DTD1: variants seen among roughly 807,000 people sequenced by gnomAD.
DTD1 encodes D-aminoacyl-tRNA deacylase 1.
A neutral mutation model predicts 25.6 loss-of-function variants in DTD1; 13 were observed. The ratio of observed to expected loss-of-function variants is 0.51; its 90% CI spans 0.33 to 0.81. The LOEUF is 0.81. Ranked by LOEUF, DTD1 falls within the 30% of genes least tolerant of loss-of-function variation. DTD1 has a pLI of 0.02. For missense variants in DTD1, 193 were observed against 266.4 expected (o/e 0.72, Z 1.92); for synonymous variants, 110 against 103.6 (o/e 1.06, Z -0.37).
rs570699358 is a variant in DTD1, at chr20:18,730,199, C to T, written c.478-13901C>T. ...ACAGAATATGTCATAGTTTAAAGAA[C>T]TCTCTTCTTATGGGTATTTAAGTGG... On this transcript the variant is annotated intron_variant, in intron 4 of 5. Transcript: ENST00000377452. 3.7e-4 allele frequency among the ~76,000 whole-genome samples: 57 copies of T among 152,230 alleles called. 1 individual carries two copies. The South Asian group carries it at 5.0e-3, about 13-fold the overall frequency.
At chr20:18,668,116 C>T (rs1308754153) in intron 4 of DTD1, among the ~76,000 whole-genome samples, 2 of 152,166 alleles carry the variant, frequency 1.3e-5, no homozygotes, top group Non-Finnish European at 2.9e-5. Context: ...TTGGTTCTTG[C>T]AGTACTGTTG....
intron 3 of DTD1, among the ~76,000 whole-genome samples, chr20:18,596,659 T>A (rs1375092733): frequency 6.6e-6 from 1 of 151,914 alleles, no homozygotes; most frequent in African/African-American, 2.4e-5. Flanking sequence ...ATATTTTATT[T>A]AACTGAATAT....
chr20:18,729,365 C>T (rs1014363436), intron 4 of DTD1, among the ~76,000 whole-genome samples: 4 of 152,228 alleles, frequency 2.6e-5, no homozygotes, highest in Admixed American at 1.3e-4. Context: ...TGATAACACA[C>T]GTTCAATTTC....
At chr20:18,633,340 C>T (rs2060795726) in intron 4 of DTD1, among the ~76,000 whole-genome samples, 1 of 152,162 alleles carries the variant, frequency 6.6e-6, no homozygotes, top group African/African-American at 2.4e-5. Flanking sequence ...ATTCCAGGGT[C>T]TCCCCCTCCT....
chr20:18,720,682 C>T (rs1408346440), intron 4 of DTD1, among the ~76,000 whole-genome samples: 8 of 151,888 alleles, frequency 5.3e-5, no homozygotes, highest in African/African-American at 1.9e-4. Context: ...TGGCAAAATC[C>T]CTCTCTACAA....
rs1375271612 is a variant in DTD1 at position 18,720,471 on chromosome 20, T to C, written c.478-23629T>C. ...CAGGAAATATCTGTCTAATTTATTC[T>C]GTTTTAACCTTTTTCCTTCAAATGC... On this transcript the variant is annotated intron_variant, in intron 4 of 5. Coordinates refer to ENST00000377452, the MANE Select transcript of DTD1 (RefSeq NM_080820.6). Among the ~76,000 whole-genome samples, 3 of 152,236 alleles carry C rather than the reference T, an allele frequency of 2.0e-5. No homozygotes were observed. In the South Asian group the frequency reaches 6.2e-4, roughly 32 times the overall value.
At chr20:18,708,277 A>ATATTTTAT (rs376267580) in intron 4 of DTD1, among the ~76,000 whole-genome samples, 3 of 15,588 alleles carry the variant, frequency 1.9e-4, no homozygotes, top group East Asian at 1.8e-3. Context: ...ATATATATAT[A>ATATTTTAT]ATATATATTA....
chr20:18,647,429 G>A (rs184311166), intron 4 of DTD1, among the ~76,000 whole-genome samples: 2 of 152,284 alleles, frequency 1.3e-5, no homozygotes, highest in Admixed American at 1.3e-4. Context: ...GTGGAATACA[G>A]GGAGGTTTGG....
chr20:18,627,319 G>T (rs1266146253), intron 3 of DTD1, among the ~76,000 whole-genome samples: 2 of 152,208 alleles, frequency 1.3e-5, no homozygotes, highest in African/African-American at 4.8e-5. Flanking sequence ...GGTCACCCAG[G>T]TTGCGGAAGG....
chr20:18,727,757 C>G (rs1460426679), intron 4 of DTD1, among the ~76,000 whole-genome samples: 1 of 152,200 alleles, frequency 6.6e-6, no homozygotes, highest in African/African-American at 2.4e-5. Context: ...CAGTATGTGA[C>G]CTTTGTGCAT....
intron 5 of DTD1, among the ~76,000 whole-genome samples, chr20:18,746,694 C>T (rs374158217): frequency 8.4e-4 from 128 of 152,160 alleles, no homozygotes; most frequent in Middle Eastern, 3.4e-3. Flanking sequence ...GACCCTGACT[C>T]TTAAAAATAA....
At chr20:18,702,889 T>C (rs536286037) in intron 4 of DTD1, among the ~76,000 whole-genome samples, 107 of 152,298 alleles carry the variant, frequency 7.0e-4, no homozygotes, top group African/African-American at 2.6e-3. Flanking sequence ...GACCCATTTC[T>C]CCTGGGGCCT....
intron 4 of DTD1, among the ~76,000 whole-genome samples, chr20:18,663,983 TGGG>T (rs1486885305): frequency 6.6e-6 from 1 of 152,180 alleles, no homozygotes; most frequent in Non-Finnish European, 1.5e-5. Context: ...GAGATTCGGG[TGGG>T]GACACAAAGC....
chr20:18,659,969 C>T (rs1184845013), intron 4 of DTD1, among the ~76,000 whole-genome samples: 1 of 152,012 alleles, frequency 6.6e-6, no homozygotes, highest in Non-Finnish European at 1.5e-5. Context: ...CATGGTGGCT[C>T]ACATCTGTAA....
At chr20:18,606,441 G>T (rs1476633051) in intron 3 of DTD1, among the ~76,000 whole-genome samples, 3 of 133,534 alleles carry the variant, frequency 2.2e-5, no homozygotes, top group African/African-American at 8.5e-5. Flanking sequence ...TATACCCAAA[G>T]GACTATAAAT....
chr20:18,727,164 C>T (rs1040205687), intron 4 of DTD1, among the ~76,000 whole-genome samples: 4 of 152,202 alleles, frequency 2.6e-5, no homozygotes, highest in South Asian at 2.1e-4. Context: ...TGGGTGGGAG[C>T]AGAGGGGCCT....
intron 3 of DTD1, among the ~76,000 whole-genome samples, chr20:18,618,477 C>A (rs182563635): frequency 2.6e-5 from 4 of 151,496 alleles, no homozygotes; most frequent in Non-Finnish European, 4.4e-5. Flanking sequence ...ACCTCAGCCT[C>A]CTGAGTAGCT....
At chr20:18,623,036 T>C (rs1179054349) in intron 3 of DTD1, among the ~76,000 whole-genome samples, 1 of 149,360 alleles carries the variant, frequency 6.7e-6, no homozygotes, top group Non-Finnish European at 1.5e-5. Context: ...GCCTCCCGGG[T>C]TCAAGCGATT....
chr20:18,592,358 C>G (rs1331999320), intron 1 of DTD1: 1 of 152,176 alleles, frequency 6.6e-6, no homozygotes, highest in African/African-American at 2.4e-5. Flanking sequence ...CATCCATAGT[C>G]CCAGCTACTC....
Sources: gnomAD v4.1 joint callset for allele counts (sites outside exome capture counted in the v4.1 genomes callset) on GRCh38, gnomAD v4.1.1 for gene constraint, MANE v1.5 for transcripts, NCBI Gene and HGNC (gene_info 2026-07-23, HGNC 2026-07-21) for gene names.